Variants in PRKDC observed in about 807,000 individuals in gnomAD.
PRKDC encodes the protein protein kinase, DNA-activated, catalytic subunit.
In PRKDC, 82 loss-of-function variants were observed where a neutral mutation model predicts 486.9. The ratio of observed to expected loss-of-function variants is 0.17; its 90% CI spans 0.14 to 0.20. The LOEUF (loss-of-function observed/expected upper bound fraction) is 0.20. PRKDC is among the 10% of genes least tolerant of loss of function. PRKDC has a pLI of 1.00. For missense variants in PRKDC, 4,504 were observed against 5,038.2 expected (o/e 0.89, Z 3.21); for synonymous variants, 1,895 against 1,837.0 (o/e 1.03, Z -0.81).
chr8:47,872,616 C>A (rs1322888188), intron 40 of PRKDC, among the ~76,000 whole-genome samples: 1 of 151,228 alleles, frequency 6.6e-6, no homozygotes, highest in Non-Finnish European at 1.5e-5. Context: ...CCAATGGAAA[C>A]CAAAACAGAG....
intron 67 of PRKDC, 75 bp from the exon 68 acceptor site, chr8:47,817,636 A>T (rs2154498848): frequency 2.1e-6 from 2 of 973,940 alleles, no homozygotes; most frequent in East Asian, 2.7e-5. Context: ...ATTATCAGTA[A>T]ATAGAAAATT....
chr8:47,893,793 G>A (rs2089515994), intron 30 of PRKDC, among the ~76,000 whole-genome samples: 1 of 152,138 alleles, frequency 6.6e-6, no homozygotes, highest in Admixed American at 6.5e-5. Context: ...AGTAAGTGCA[G>A]TGTTTGTTAA....
At chr8:47,946,528 C>T (rs1301196004) in intron 7 of PRKDC, among the ~76,000 whole-genome samples, 1 of 152,136 alleles carries the variant, frequency 6.6e-6, no homozygotes, top group Admixed American at 6.5e-5. Flanking sequence ...CTCCTCCTCC[C>T]CAAACTCCAC....
At chr8:47,913,050 G>A (rs2089931505) in intron 24 of PRKDC, among the ~76,000 whole-genome samples, 1 of 152,122 alleles carries the variant, frequency 6.6e-6, no homozygotes, top group Non-Finnish European at 1.5e-5. Context: ...TGCTCACTTT[G>A]TTAGCATTTT....
chr8:47,805,459 T>C (rs1407138159), intron 69 of PRKDC, among the ~76,000 whole-genome samples: 2 of 152,202 alleles, frequency 1.3e-5, no homozygotes, highest in Non-Finnish European at 2.9e-5. Flanking sequence ...AAACACTTCA[T>C]GCCCATTTCT....
In PRKDC at chr8:47,831,852, A is replaced by G. The variant is rs776583465; in HGVS notation, c.8227T>C (p.Tyr2743His). 3 of 1,614,036 alleles carry G rather than the reference A, an allele frequency of 1.9e-6. No homozygotes were observed. The Middle Eastern group carries it at 4.9e-4, about 266-fold the overall frequency. The change falls in exon 60 of 86, where the codon TAT becomes CAT. Residue 2743 changes from tyrosine (Y) to histidine (H), a missense_variant. Physicochemically the swap from Tyr to His is moderately conservative, Grantham distance 83. Transcript: ENST00000314191. ...MRDQEKLSLM[Y>H]ARKGVAEQKR... ...TGCTCAGCAACGCCTTTTCTGGCAT[A>G]CATCAAACTGAGCTTCTCCTGGTCC...
At chr8:47,905,939 T>C (rs1244067881) in intron 25 of PRKDC, among the ~76,000 whole-genome samples, 1 of 152,190 alleles carries the variant, frequency 6.6e-6, no homozygotes, top group African/African-American at 2.4e-5. Flanking sequence ...CTTGGAAGTG[T>C]AACCTAGTGG....
At chr8:47,861,675 C>T (rs1190197306) in intron 44 of PRKDC, among the ~76,000 whole-genome samples, 1 of 152,238 alleles carries the variant, frequency 6.6e-6, no homozygotes, top group African/African-American at 2.4e-5. Context: ...AAACCTTGTC[C>T]CATCTGCCAG....
chr8:47,782,338 T>A lies in PRKDC; in HGVS notation c.11396+40A>T. 1.2e-6 allele frequency: 2 copies of A among 1,610,432 alleles called. No individual in the cohort carries two copies. The highest frequency in any genetic ancestry group is 1.7e-6 in the Non-Finnish European group (2 of 1,177,864). On this transcript the variant is annotated intron_variant, in intron 79 of 85. Coordinates refer to ENST00000314191, the MANE Select transcript of PRKDC (RefSeq NM_006904.7). This position sits in a 1 kb window ranked among gnomAD's most constrained non-coding sequence, Gnocchi z 4.9. ...AAACAGTCCCGTGGACGCCAAGCAA[T>A]ATGCAGCAGCCTACTGGCTGGGAGC...
intron 68 of PRKDC, among the ~76,000 whole-genome samples, chr8:47,815,587 T>A (rs1377328683): frequency 6.6e-6 from 1 of 152,252 alleles, no homozygotes; most frequent in Non-Finnish European, 1.5e-5. Context: ...GTATAGGTTA[T>A]ATCCCACTAA....
chr8:47,844,245 ATTCTT>A (rs1299533536), intron 54 of PRKDC, among the ~76,000 whole-genome samples: 1 of 152,270 alleles, frequency 6.6e-6, no homozygotes, highest in African/African-American at 2.4e-5. Flanking sequence ...AGCAGTCACT[ATTCTT>A]TTATCAGATA....
chr8:47,804,198 C>T (rs1308742683), intron 69 of PRKDC, among the ~76,000 whole-genome samples: 1 of 151,890 alleles, frequency 6.6e-6, no homozygotes, highest in Non-Finnish European at 1.5e-5. Flanking sequence ...GCATCTTTTA[C>T]TTAGCATGAT....
intron 27 of PRKDC, among the ~76,000 whole-genome samples, 185 bp from the exon 28 acceptor site, chr8:47,900,652 G>C (rs1010344562): frequency 1.3e-5 from 2 of 152,102 alleles, no homozygotes; most frequent in Non-Finnish European, 2.9e-5. Context: ...ACGAGGTCAG[G>C]AGATCGAGAC....
chr8:47,907,046 G>GTT (rs564861532), intron 25 of PRKDC, among the ~76,000 whole-genome samples: 2 of 147,962 alleles, frequency 1.4e-5, no homozygotes, highest in Non-Finnish European at 3.0e-5. Flanking sequence ...TCATACTGGT[G>GTT]TTTTTTTTTT....
At chr8:47,880,778 G>A (rs902744661) in intron 38 of PRKDC, among the ~76,000 whole-genome samples, 18 of 152,106 alleles carry the variant, frequency 1.2e-4, no homozygotes, top group African/African-American at 4.1e-4. Context: ...TCTAGGCCGG[G>A]TGTGGTGGCT....
At chr8:47,888,126 T>C (rs906494083) in intron 34 of PRKDC, among the ~76,000 whole-genome samples, 2 of 152,118 alleles carry the variant, frequency 1.3e-5, no homozygotes, top group African/African-American at 4.8e-5. Context: ...AATCCTCCTA[T>C]CTGAGCCTCC....
intron 76 of PRKDC, among the ~76,000 whole-genome samples, chr8:47,788,474 T>C (rs1404118173): frequency 1.3e-5 from 2 of 152,224 alleles, no homozygotes; most frequent in African/African-American, 2.4e-5. Flanking sequence ...CATAACCCCT[T>C]TGTATTTGGG....
At chr8:47,924,613 C>A (rs1324373395) in intron 21 of PRKDC, among the ~76,000 whole-genome samples, 1 of 151,982 alleles carries the variant, frequency 6.6e-6, no homozygotes, top group Admixed American at 6.6e-5. Flanking sequence ...GAGGCCATGA[C>A]CTGGGTGCCA....
intron 11 of PRKDC, 105 bp from the exon 12 acceptor site, chr8:47,936,622 G>T: frequency 7.4e-7 from 1 of 1,358,866 alleles, no homozygotes. Context: ...GTTTAACAAG[G>T]CTTCTTTTTT....
Sources: gnomAD v4.1 joint callset for allele counts (sites outside exome capture counted in the v4.1 genomes callset) on GRCh38, gnomAD v4.1.1 for gene constraint, Gnocchi (gnomAD v3.1) non-coding constraint, MANE v1.5 for transcripts, NCBI Gene and HGNC (gene_info 2026-07-23, HGNC 2026-07-21) for gene names.